XIRP2: variants seen among roughly 807,000 people sequenced by gnomAD.
The protein encoded by XIRP2 is xin actin binding repeat containing 2, also known as xin actin-binding repeat-containing protein 2.
A neutral mutation model predicts 277.0 loss-of-function variants in XIRP2; 236 were observed. That is an observed-to-expected ratio of 0.85 (90% CI 0.77 to 0.95). The LOEUF (loss-of-function observed/expected upper bound fraction) is 0.95. Among genes scored for constraint, XIRP2 ranks in the 40% least tolerant of loss-of-function variants. The pLI, the probability that XIRP2 is intolerant of heterozygous loss-of-function variation, is 0.00. For missense variants in XIRP2, 4,640 were observed against 4,157.5 expected (o/e 1.12, Z -3.19); for synonymous variants, 1,490 against 1,416.5 (o/e 1.05, Z -1.17).
Position 167,210,847 on chromosome 2 carries a change from G to A in XIRP2, c.675G>A (p.Arg225=). Reference sequence around the variant, plus strand: ...TCTCCCTGAAGGAGCGGATGGCGAGGTACCAGGCAGCTGTTTCCAGGGGTG... The same window carrying A: ...TCTCCCTGAAGGAGCGGATGGCGAGATACCAGGCAGCTGTTTCCAGGGGTG... The part of the protein sequence containing the change: ...EVVSLKERMA[R]YQAAVSRGDC... The change falls in exon 4 of 11, where the codon AGG becomes AGA. Residue 225 remains arginine (R), a synonymous_variant. Coordinates refer to ENST00000409195, the MANE Select transcript of XIRP2 (RefSeq NM_152381.6). The A allele has an allele frequency of 1.2e-6, 2 of 1,614,150 alleles. No individual in the cohort carries two copies. The highest frequency in any genetic ancestry group is 1.7e-6 in the Non-Finnish European group (2 of 1,180,004).
intron 3 of XIRP2, among the ~76,000 whole-genome samples, chr2:167,202,791 C>T (rs1300486109): frequency 6.6e-6 from 1 of 152,144 alleles, no homozygotes; most frequent in African/African-American, 2.4e-5. Context: ...TATTATCTTA[C>T]AGTTCTGGAA....
At position 167,248,949 on chromosome 2, in the gene XIRP2, A is replaced by T. The variant is rs1390920721; in HGVS notation, c.7557A>T (p.Ile2519=). ...GGAAAAAACAGATTGCGCCTCTTAT[A>T]AAATCTCATTCATTTCCAGAGAGTT... ...APRKKQIAPL[I]KSHSFPESSG... Residue 2519 remains isoleucine, a synonymous_variant, in exon 9 of 11, where the codon ATA becomes ATT. Transcript: ENST00000409195. 1 of 1,613,722 alleles carries T rather than the reference A, an allele frequency of 6.2e-7. No homozygotes were observed.
chr2:167,186,059 C>T (rs73027829), intron 3 of XIRP2, among the ~76,000 whole-genome samples: 15,709 of 152,126 alleles, frequency 0.1, 1,673 homozygotes, highest in African/African-American at 0.28. Context: ...AGCTACTATC[C>T]ACATGTGGAG....
chr2:167,060,421 G>T (rs1036175817), intron 2 of XIRP2, among the ~76,000 whole-genome samples: 1 of 152,006 alleles, frequency 6.6e-6, no homozygotes, highest in Non-Finnish European at 1.5e-5. Flanking sequence ...CCTGCCAACT[G>T]ACAAGCCTAA....
chr2:167,009,967 C>T (rs2470049), intron 2 of XIRP2, among the ~76,000 whole-genome samples: 1 of 151,840 alleles, frequency 6.6e-6, no homozygotes, highest in African/African-American at 2.4e-5. Context: ...GGATATTAGC[C>T]CTTTGTCAGA....
rs371638628 is a variant in XIRP2 at position 167,242,772 on chromosome 2, T to C, written c.1380T>C (p.Leu460=). Residue 460 remains leucine, a synonymous_variant, in exon 9 of 11, where the codon CTT becomes CTC. Transcript: ENST00000409195. ...TTCCTCCTCCCCCACCTGACGTACT[T>C]CAAACTTCAGTAGATGTGACAGCAT... ...EEFPPPPPDV[L]QTSVDVTAFS... 1.9e-6 allele frequency: 3 copies of C among 1,614,024 alleles called. No homozygotes were observed. Among genetic ancestry groups the C allele is most frequent in the East Asian group, 2.2e-5 (1 of 44,872 alleles).
chr2:166,920,420 G>A lies in XIRP2; in HGVS notation c.408+16530G>A, dbSNP rs11886369. ...GTTTCAAACAGAATCTCACAGCTGT[G>A]TTTCTGATATAAATGGATCCTGGAC... On this transcript the variant is annotated intron_variant, in intron 2 of 10. Transcript: ENST00000409195. Among the ~76,000 whole-genome samples the A allele has an allele frequency of 1.2e-3, 177 of 152,216 alleles. 1 individual carries two copies. Among genetic ancestry groups the A allele is most frequent in the African/African-American group, 4.2e-3 (173 of 41,542 alleles).
chr2:167,063,050 A>G (rs1002245129), intron 2 of XIRP2, among the ~76,000 whole-genome samples: 11 of 151,890 alleles, frequency 7.2e-5, no homozygotes, highest in Non-Finnish European at 1.2e-4. Flanking sequence ...ATTTGAGACT[A>G]TTCTTATTCT....
intron 2 of XIRP2, among the ~76,000 whole-genome samples, chr2:167,007,799 A>G (rs1239136198): frequency 1.3e-5 from 2 of 151,550 alleles, no homozygotes; most frequent in African/African-American, 2.4e-5. Context: ...TAGAAGATAT[A>G]ACAAAATTAT....
intron 2 of XIRP2, among the ~76,000 whole-genome samples, chr2:166,980,466 G>T (rs2105432632): frequency 6.6e-6 from 1 of 152,018 alleles, no homozygotes; most frequent in Admixed American, 6.6e-5. Context: ...GCCCAGGCTG[G>T]AGTGCAATGG....
chr2:166,915,018 C>G (rs1684822823), intron 2 of XIRP2, among the ~76,000 whole-genome samples: 1 of 151,826 alleles, frequency 6.6e-6, no homozygotes, highest in Admixed American at 6.6e-5. Context: ...ACATATTAGT[C>G]TGGGAGCGGT....
At chr2:167,005,474 G>C (rs572514400) in intron 2 of XIRP2, among the ~76,000 whole-genome samples, 1 of 151,942 alleles carries the variant, frequency 6.6e-6, no homozygotes, top group South Asian at 2.1e-4. Context: ...CAGTGAGTCA[G>C]TGGGTGCTGA....
At chr2:167,193,265 A>G (rs965694942) in intron 3 of XIRP2, among the ~76,000 whole-genome samples, 8 of 152,152 alleles carry the variant, frequency 5.3e-5, no homozygotes, top group South Asian at 4.1e-4. Context: ...TCAAACTTCA[A>G]TTTGCACCTC....
At chr2:166,972,647 CTTTA>C (rs957360977) in intron 2 of XIRP2, among the ~76,000 whole-genome samples, 2 of 152,110 alleles carry the variant, frequency 1.3e-5, no homozygotes, top group African/African-American at 4.8e-5. Flanking sequence ...GCTCTGGTAA[CTTTA>C]TTTAAATAGT....
chr2:167,103,456 C>T (rs1392028857), intron 2 of XIRP2, among the ~76,000 whole-genome samples: 2 of 152,066 alleles, frequency 1.3e-5, no homozygotes, highest in Non-Finnish European at 2.9e-5. Context: ...TGAATGTGCA[C>T]AGTAACCTCT....
intron 2 of XIRP2, among the ~76,000 whole-genome samples, chr2:167,119,097 G>A (rs1164953634): frequency 6.6e-6 from 1 of 152,132 alleles, no homozygotes; most frequent in Non-Finnish European, 1.5e-5. Context: ...ATTCAGTGGA[G>A]GCAAAAAGTG....
At chr2:167,109,388 C>G (rs1690688168) in intron 2 of XIRP2, among the ~76,000 whole-genome samples, 1 of 152,126 alleles carries the variant, frequency 6.6e-6, no homozygotes, top group Non-Finnish European at 1.5e-5. Context: ...TCAAGTGATC[C>G]TCCTGCCTCA....
chr2:167,203,764 GA>G (rs1693784118), intron 3 of XIRP2, among the ~76,000 whole-genome samples: 1 of 152,090 alleles, frequency 6.6e-6, no homozygotes, highest in Admixed American at 6.6e-5. Context: ...ATGCTTAAAA[GA>G]GATGAATTTT....
chr2:166,999,246 T>C (rs192133198), intron 2 of XIRP2, among the ~76,000 whole-genome samples: 2 of 152,284 alleles, frequency 1.3e-5, no homozygotes, highest in East Asian at 1.9e-4. Context: ...TGCACATATC[T>C]TGTGAAATAT....
Sources: allele counts gnomAD v4.1 joint callset (sites outside exome capture counted in the v4.1 genomes callset), GRCh38; gene constraint gnomAD v4.1.1; transcripts MANE v1.5; gene names NCBI Gene and HGNC (gene_info 2026-07-23, HGNC 2026-07-21).